The following SVEP1 variants were observed in gnomAD, a reference collection of about 807,000 sequenced individuals.
SVEP1 encodes sushi, von Willebrand factor type A, EGF and pentraxin domain containing 1.
A neutral mutation model predicts 367.3 loss-of-function variants in SVEP1; 164 were observed. The ratio of observed to expected loss-of-function variants is 0.45; its 90% CI spans 0.39 to 0.51. The LOEUF is 0.51. Ranked by LOEUF, SVEP1 falls within the 20% of genes least tolerant of loss-of-function variation. SVEP1 has a pLI of 0.00. For missense variants in SVEP1, 4,117 were observed against 4,425.3 expected, an observed-to-expected ratio of 0.93 and a Z score of 1.98; for synonymous variants, 1,666 against 1,611.6, an observed-to-expected ratio of 1.03 and a Z score of -0.81.
chr9:110,371,067 A>T (rs1827268067), intron 46 of SVEP1, among the ~76,000 whole-genome samples: 2 of 152,254 alleles, frequency 1.3e-5, no homozygotes, highest in African/African-American at 4.8e-5. Context: ...GAACAAGAGA[A>T]GACAAGTAAA....
intron 1 of SVEP1, among the ~76,000 whole-genome samples, chr9:110,553,880 CCTGTATCTTG>C (rs1564175072): frequency 1.3e-5 from 2 of 152,184 alleles, no homozygotes; most frequent in African/African-American, 4.8e-5. Flanking sequence ...CCTGTGTCTT[CCTGTATCTTG>C]CTTTAAAAAG....
At chr9:110,395,460 C>T (rs1827742993) in intron 40 of SVEP1, among the ~76,000 whole-genome samples, 1 of 152,120 alleles carries the variant, frequency 6.6e-6, no homozygotes, top group South Asian at 2.1e-4. Flanking sequence ...AGCAAAATAG[C>T]CAGCTGACAT....
rs536538162 is a variant in SVEP1 at position 110,497,708 on chromosome 9, C to T, written c.1682-775G>A. Among the ~76,000 whole-genome samples the T allele has an allele frequency of 2.1e-4, 32 of 152,310 alleles. No homozygotes were observed. In the South Asian group the frequency reaches 5.0e-3, roughly 24 times the overall value. On this transcript the variant is annotated intron_variant, in intron 7 of 47. Transcript: ENST00000374469. ...CTTTATACTATGGTGCTGAATTAGA[C>T]GTGCTAACGTTACACAGATGCACGC...
intron 25 of SVEP1, among the ~76,000 whole-genome samples, chr9:110,446,424 T>A (rs1472591853): frequency 6.6e-6 from 1 of 152,238 alleles, no homozygotes; most frequent in Non-Finnish European, 1.5e-5. Flanking sequence ...GGCAACATGC[T>A]GCCCTACTCA....
chr9:110,415,571 G>A (rs1828107307), intron 36 of SVEP1, among the ~76,000 whole-genome samples: 1 of 152,038 alleles, frequency 6.6e-6, no homozygotes, highest in Non-Finnish European at 1.5e-5. Context: ...ACAGAGCGAT[G>A]CCATCCTTGA....
rs1827975558 is a variant in SVEP1, at chr9:110,407,595, C to A, written c.8005G>T (p.Ala2669Ser). Residue 2669 changes from alanine (A) to serine (S), a missense_variant, in exon 38 of 48, where the codon GCT (alanine) becomes TCT (serine). Around this residue, in one of 4 missense-constraint regions of SVEP1, gnomAD observed 1,765 missense variants for 1,781.1 expected, o/e 0.99. Coordinates refer to ENST00000374469, the MANE Select transcript of SVEP1 (RefSeq NM_153366.4). The stretch of plus-strand genomic sequence containing the variant: ...TACAGAAAGTTTGATGAATGTGTAG[C>A]AGGAGACTCCTTTGTATTTTCCCAG... ...KTWENTKESP[A>S]THSSNFLYGT... 3 of 1,613,992 alleles carry A rather than the reference C, an allele frequency of 1.9e-6. No homozygotes were observed. The highest frequency in any genetic ancestry group is 2.5e-6 in the Non-Finnish European group (3 of 1,179,880).
Position 110,377,274 on chromosome 9 carries a change from C to G in SVEP1, c.10501G>C (p.Glu3501Gln). The change falls in exon 45 of 48, where the codon GAA (glutamate) becomes CAA (glutamine). Residue 3501 changes from glutamate to glutamine, a missense_variant. Coordinates refer to ENST00000374469, the MANE Select transcript of SVEP1 (RefSeq NM_153366.4). ...PEGWMGRLCE[E>Q]PICILPCLNG... ...TAAGATCTGAAGAGCAACTCACGTT[C>G]TTCACAGAGGCGCCCCATCCAGCCC... 1 of 1,613,340 alleles carries G rather than the reference C, an allele frequency of 6.2e-7. No individual in the cohort carries two copies. The highest frequency in any genetic ancestry group is 8.5e-7 in the Non-Finnish European group (1 of 1,179,412).
chr9:110,533,611 C>T lies in SVEP1; in HGVS notation c.964+12504G>A, dbSNP rs527438476. Reference sequence around the variant, plus strand: ...CTGTGTGTCTGTGTGTGTGTGTGCACGCACACGTGTGTGTGTATTTTGGCA... The same window carrying T: ...CTGTGTGTCTGTGTGTGTGTGTGCATGCACACGTGTGTGTGTATTTTGGCA... On this transcript the variant is annotated intron_variant, in intron 3 of 47. Transcript: ENST00000374469. Among the ~76,000 whole-genome samples the T allele has an allele frequency of 6.9e-4, 41 of 59,602 alleles. 2 individuals are homozygous for T. The South Asian group carries it at 0.02, about 30-fold the overall frequency. 39.1% of individuals were successfully genotyped at this position (59,602 alleles called of 152,430 possible).
chr9:110,497,425 C>A (rs1162778506), intron 7 of SVEP1, among the ~76,000 whole-genome samples: 1 of 152,132 alleles, frequency 6.6e-6, no homozygotes, highest in African/African-American at 2.4e-5. Flanking sequence ...ACTCAACAAG[C>A]TATTTTGAAA....
intron 9 of SVEP1, among the ~76,000 whole-genome samples, chr9:110,486,325 G>A (rs1191097593): frequency 6.6e-6 from 1 of 152,160 alleles, no homozygotes; most frequent in Non-Finnish European, 1.5e-5. Context: ...GGGCAGTAAG[G>A]CTCAGTCAAT....
chr9:110,540,618 G>T (rs992716234), intron 3 of SVEP1, among the ~76,000 whole-genome samples: 1 of 152,098 alleles, frequency 6.6e-6, no homozygotes. Context: ...CTAGCTAAAA[G>T]CACATGATTA....
rs556859247 is a variant in SVEP1, at chr9:110,472,308, C to T, written c.2615G>A (p.Gly872Asp). 6.3e-7 allele frequency: 1 copy of T among 1,595,744 alleles called. No individual in the cohort carries two copies. Among genetic ancestry groups the T allele is most frequent in the East Asian group, 2.3e-5 (1 of 44,262 alleles). The change falls in exon 15 of 48, where the codon GGT (glycine) becomes GAT (aspartate). Residue 872 changes from glycine to aspartate, a missense_variant. Gly to Asp is a moderately conservative substitution (Grantham distance 94). Transcript: ENST00000374469. ...AGAGTAATCCAGCCTATTAGCTGCA[C>T]CCCAGCCACCTGGTCCTGGATAGTC... ...NGFAIGPGGW[G>D]AANRLDYSYD... is the part of the protein sequence containing the mutation.
chr9:110,485,055 AC>A (rs1357560718), intron 9 of SVEP1, among the ~76,000 whole-genome samples: 2 of 152,200 alleles, frequency 1.3e-5, no homozygotes, highest in African/African-American at 4.8e-5. Flanking sequence ...AACCAGAAAT[AC>A]CATTTGACCC....
chr9:110,553,328 G>A (rs1186095373), intron 1 of SVEP1, among the ~76,000 whole-genome samples: 2 of 152,198 alleles, frequency 1.3e-5, no homozygotes, highest in East Asian at 1.9e-4. Context: ...ATGTGCCTAC[G>A]TGAGGTTTCT....
chr9:110,451,221 A>C, intron 23 of SVEP1, 68 bp downstream of exon 23: 1 of 1,254,300 alleles, frequency 8.0e-7, no homozygotes, highest in African/African-American at 1.5e-5. Context: ...ATATATGTTA[A>C]GAAATGTACT....
intron 8 of SVEP1, among the ~76,000 whole-genome samples, chr9:110,490,939 A>G (rs939550920): frequency 1.9e-4 from 29 of 152,146 alleles, no homozygotes; most frequent in African/African-American, 6.7e-4. Context: ...GTAGTTTTAA[A>G]AATATTTCAA....
intron 3 of SVEP1, among the ~76,000 whole-genome samples, chr9:110,525,162 A>G (rs576875240): frequency 1.3e-5 from 2 of 152,224 alleles, no homozygotes; most frequent in East Asian, 3.9e-4. Context: ...ATACAACTAA[A>G]CCTATTTATA....
rs575051229 is a variant in SVEP1 at position 110,472,327 on chromosome 9, G to A, written c.2600-4C>T. 3 of 1,572,848 alleles carry A rather than the reference G, an allele frequency of 1.9e-6. No homozygotes were observed. The highest frequency in any genetic ancestry group is 2.8e-5 in the African/African-American group (2 of 72,116). On this transcript the variant is annotated splice_polypyrimidine_tract_variant and splice_region_variant and intron_variant, in intron 14 of 47. Coordinates refer to ENST00000374469, the MANE Select transcript of SVEP1 (RefSeq NM_153366.4). ...GCTGCACCCCAGCCACCTGGTCCTGGATAGTCGGGGCAGAGACACAAATGA... is the reference window on the plus strand; with the variant it reads ...GCTGCACCCCAGCCACCTGGTCCTGAATAGTCGGGGCAGAGACACAAATGA...
chr9:110,404,532 A>G lies in SVEP1; in HGVS notation c.9461T>C (p.Met3154Thr). The change falls in exon 39 of 48, where the codon ATG becomes ACG. Residue 3154 changes from methionine (M) to threonine (T), a missense_variant. Transcript: ENST00000374469. Reference sequence around the variant, plus strand: ...GGTGAATGTATCTGTATCTGTATCCATCGTATAACCTTCCAGACATCTGCA... The same window carrying G: ...GGTGAATGTATCTGTATCTGTATCCGTCGTATAACCTTCCAGACATCTGCA... ...VKLRCLEGYT[M>T]DTDTDTFTCQ... The G allele has an allele frequency of 6.2e-7, 1 of 1,614,012 alleles. No individual in the cohort carries two copies. The highest frequency in any genetic ancestry group is 1.3e-5 in the African/African-American group (1 of 75,046).
Sources: allele counts gnomAD v4.1 joint callset (sites outside exome capture counted in the v4.1 genomes callset), GRCh38; gene constraint gnomAD v4.1.1; regional missense constraint gnomAD v4.1.1; transcripts MANE v1.5; gene names NCBI Gene and HGNC (gene_info 2026-07-23, HGNC 2026-07-21).